The following KCNMA1 variants were observed in gnomAD, a reference collection of about 807,000 sequenced individuals.
The protein encoded by KCNMA1 is Calcium-activated potassium channel subunit alpha-1.
A neutral mutation model predicts 140.0 loss-of-function variants in KCNMA1; 29 were observed. The ratio of observed to expected loss-of-function variants is 0.21; its 90% confidence interval spans 0.15 to 0.28. The LOEUF is 0.28. Among genes scored for constraint, KCNMA1 ranks in the 10% least tolerant of loss-of-function variants. KCNMA1 has a pLI of 1.00. For missense variants in KCNMA1, 880 were observed against 1,602.2 expected, an observed-to-expected ratio of 0.55 and a Z score of 7.70; for synonymous variants, 612 against 611.9, an observed-to-expected ratio of 1.00 and a Z score of 0.00.
chr10:77,188,885 T>C (rs555448674), intron 3 of KCNMA1, among the ~76,000 whole-genome samples: 2 of 152,118 alleles, frequency 1.3e-5, no homozygotes, highest in African/African-American at 2.4e-5. Context: ...TAGCAGTTGT[T>C]CCTCTGGGCA....
At chr10:77,334,667 CG>C (rs2088062677) in intron 2 of KCNMA1, among the ~76,000 whole-genome samples, 1 of 152,084 alleles carries the variant, frequency 6.6e-6, no homozygotes, top group Non-Finnish European at 1.5e-5. Context: ...CTAATGCAAG[CG>C]TTGAGACATA....
intron 3 of KCNMA1, among the ~76,000 whole-genome samples, chr10:77,231,812 G>A (rs943356609): frequency 1.6e-4 from 25 of 152,094 alleles, no homozygotes; most frequent in Non-Finnish European, 1.5e-4. Flanking sequence ...ATTTGCTAAT[G>A]GCTTTATTGA....
intron 1 of KCNMA1, among the ~76,000 whole-genome samples, chr10:77,409,059 C>G (rs2096561201): frequency 6.6e-6 from 1 of 152,148 alleles, no homozygotes; most frequent in African/African-American, 2.4e-5. Flanking sequence ...CTGTGCCCAG[C>G]CTTACACCCT....
intron 2 of KCNMA1, among the ~76,000 whole-genome samples, chr10:77,264,906 C>T (rs914582899): frequency 2.0e-5 from 3 of 152,160 alleles, no homozygotes; most frequent in Non-Finnish European, 4.4e-5. Context: ...CACAAAGTTG[C>T]TGAGTATCCA....
chr10:77,182,784 G>T (rs2057119183), intron 5 of KCNMA1, among the ~76,000 whole-genome samples: 1 of 152,126 alleles, frequency 6.6e-6, no homozygotes, highest in South Asian at 2.1e-4. Flanking sequence ...GTCTCTCTAA[G>T]CCCTGGGCTT....
chr10:77,522,370 A>C (rs2053755319), intron 1 of KCNMA1, among the ~76,000 whole-genome samples: 1 of 152,034 alleles, frequency 6.6e-6, no homozygotes, highest in Non-Finnish European at 1.5e-5. Flanking sequence ...TAACTTTTTC[A>C]AAAACTCCCC....
chr10:77,548,586 C>T (rs556672164), intron 1 of KCNMA1, among the ~76,000 whole-genome samples: 85 of 152,286 alleles, frequency 5.6e-4, no homozygotes, highest in Middle Eastern at 6.8e-3. Flanking sequence ...GGGTTTATTC[C>T]CTGCTTCCAA....
At chr10:76,924,033 G>C (rs763368003) in intron 23 of KCNMA1, among the ~76,000 whole-genome samples, 3 of 152,082 alleles carry the variant, frequency 2.0e-5, no homozygotes, top group Non-Finnish European at 4.4e-5. Context: ...AGACATACTT[G>C]CTTGGCCAGT....
chr10:77,528,347 G>A (rs2056517919), intron 1 of KCNMA1, among the ~76,000 whole-genome samples: 1 of 152,166 alleles, frequency 6.6e-6, no homozygotes, highest in African/African-American at 2.4e-5. Context: ...AGTGGTTCAT[G>A]CCTGTAATCC....
chr10:77,458,998 G>A (rs1460672005), intron 1 of KCNMA1, among the ~76,000 whole-genome samples: 2 of 152,170 alleles, frequency 1.3e-5, no homozygotes, highest in East Asian at 3.9e-4. Flanking sequence ...TCAGAGCTGT[G>A]TCATCTGAGG....
intron 1 of KCNMA1, among the ~76,000 whole-genome samples, chr10:77,552,711 C>A (rs994639984): frequency 3.6e-4 from 55 of 152,188 alleles, no homozygotes; most frequent in Non-Finnish European, 1.6e-4. Context: ...TAGGGACCAG[C>A]GGTGGCCTGG....
At chr10:77,056,800 CAGCAG>C (rs1220393268) in intron 14 of KCNMA1, among the ~76,000 whole-genome samples, 1 of 152,136 alleles carries the variant, frequency 6.6e-6, no homozygotes, top group Non-Finnish European at 1.5e-5. Flanking sequence ...ATGGGCTCAA[CAGCAG>C]AGCAAAGATG....
At chr10:77,288,613 C>T (rs966201525) in intron 2 of KCNMA1, among the ~76,000 whole-genome samples, 1 of 152,190 alleles carries the variant, frequency 6.6e-6, no homozygotes, top group African/African-American at 2.4e-5. Flanking sequence ...AGGCTGACAA[C>T]ATGCAAGGGT....
At chr10:77,269,940 C>T (rs1459636307) in intron 2 of KCNMA1, among the ~76,000 whole-genome samples, 1 of 152,178 alleles carries the variant, frequency 6.6e-6, no homozygotes, top group Non-Finnish European at 1.5e-5. Flanking sequence ...GAGGCTGGGA[C>T]AGAGCCAGAC....
intron 1 of KCNMA1, among the ~76,000 whole-genome samples, chr10:77,461,269 T>A (rs1324187128): frequency 6.6e-6 from 1 of 150,542 alleles, no homozygotes; most frequent in East Asian, 2.0e-4. Flanking sequence ...GGACCCTCCC[T>A]CTTTTCTTAG....
rs138388306 is a variant in KCNMA1 at position 77,196,391 on chromosome 10, T to C, written c.603-11475A>G. Among the ~76,000 whole-genome samples the C allele has an allele frequency of 2.2e-3, 334 of 152,248 alleles. 1 individual carries two copies. The highest frequency in any genetic ancestry group is 3.6e-3 in the Non-Finnish European group (246 of 68,006). ...CCAAGCCCCCAGATGAAAACGTTCA[T>C]AAAGTGAGAATATGCCAACGTGCTG... On this transcript the variant is annotated intron_variant, in intron 3 of 27. Transcript: ENST00000286628.
At chr10:76,976,993 A>AC in intron 19 of KCNMA1, among the ~76,000 whole-genome samples, 1 of 152,252 alleles carries the variant, frequency 6.6e-6, no homozygotes, top group South Asian at 2.1e-4. Context: ...GATAATTTTT[A>AC]CTTTACATCC....
intron 1 of KCNMA1, among the ~76,000 whole-genome samples, chr10:77,608,977 C>A (rs192669766): frequency 6.6e-6 from 1 of 151,970 alleles, no homozygotes; most frequent in Non-Finnish European, 1.5e-5. Context: ...AAAAGAGAAC[C>A]CTGTTACACT....
chr10:77,250,871 T>C (rs1246843257), intron 3 of KCNMA1: 2 of 327,242 alleles, frequency 6.1e-6, no homozygotes, highest in African/African-American at 4.2e-5. Context: ...AAGTTGCAAA[T>C]TCCCATCAAG....
Sources: allele counts gnomAD v4.1 joint callset (sites outside exome capture counted in the v4.1 genomes callset), GRCh38; gene constraint gnomAD v4.1.1; transcripts MANE v1.5; gene names NCBI Gene and HGNC (gene_info 2026-07-23, HGNC 2026-07-21).